Variants in B3GLCT observed in about 807,000 individuals in gnomAD.
The protein encoded by B3GLCT is beta-1,3-glucosyltransferase.
In B3GLCT, 65 loss-of-function variants were observed where a neutral mutation model predicts 63.4. The ratio of observed to expected loss-of-function variants is 1.03; its 90% CI spans 0.84 to 1.26. B3GLCT has a LOEUF of 1.26. Ranked by LOEUF, B3GLCT falls within the 50% of genes most tolerant of loss-of-function variation. The probability of loss-of-function intolerance (pLI) is 0.00; values close to 1 mark genes in which losing one functional copy is unlikely to be tolerated. For missense variants in B3GLCT, 577 were observed against 604.8 expected, an observed-to-expected ratio of 0.95 and a Z score of 0.48; for synonymous variants, 233 against 219.2, an observed-to-expected ratio of 1.06 and a Z score of -0.55.
At chr13:31,253,006 A>G (rs1273290087) in intron 6 of B3GLCT, among the ~76,000 whole-genome samples, 1 of 152,196 alleles carries the variant, frequency 6.6e-6, no homozygotes, top group Non-Finnish European at 1.5e-5. Context: ...AATCATAACA[A>G]ACAGTCTCTC....
At chr13:31,253,282 C>T (rs1463848111) in intron 6 of B3GLCT, among the ~76,000 whole-genome samples, 1 of 152,088 alleles carries the variant, frequency 6.6e-6, no homozygotes, top group East Asian at 1.9e-4. Flanking sequence ...AATCGACACT[C>T]TAACATCACA....
intron 12 of B3GLCT, among the ~76,000 whole-genome samples, chr13:31,316,106 A>G (rs1874993238): frequency 6.6e-6 from 1 of 152,088 alleles, no homozygotes; most frequent in Non-Finnish European, 1.5e-5. Flanking sequence ...AACTTCTGCT[A>G]TGGCAGTGCA....
In B3GLCT at chr13:31,330,752, C is replaced by G. The variant is rs1345576469; in HGVS notation, c.*1084C>G. On this transcript the variant is annotated 3_prime_UTR_variant, in exon 15 of 15. Transcript: ENST00000343307. ...TCAGTATTAATGTATAAAAAGCACT[C>G]TAATTATATAATTCAGTTTTTGTAA... is the stretch of plus-strand genomic sequence containing the variant. 1 of 151,892 alleles carries G rather than the reference C, an allele frequency of 6.6e-6. No individual in the cohort carries two copies. Among genetic ancestry groups the G allele is most frequent in the Non-Finnish European group, 1.5e-5 (1 of 67,952 alleles). The allele number at this position is 151,892 out of a possible 1,614,324, so 9.4% of individuals were successfully genotyped here.
rs578114672 is a variant in B3GLCT, at chr13:31,323,680, G to A, written c.1185-71G>A. 1.3e-5 allele frequency: 20 copies of A among 1,572,376 alleles called. No individual in the cohort carries two copies. Among genetic ancestry groups the A allele is most frequent in the Admixed American group, 1.2e-4 (7 of 59,940 alleles). ...CTGCAGGAGTAAAGTCCTGTTTCCC[G>A]GGGCCCATTTGTGCAGCAGCGGTGT... On this transcript the variant is annotated intron_variant, in intron 13 of 14. Coordinates refer to ENST00000343307, the MANE Select transcript of B3GLCT (RefSeq NM_194318.4).
chr13:31,292,684 A>C (rs1406650097), intron 12 of B3GLCT, among the ~76,000 whole-genome samples: 1 of 135,684 alleles, frequency 7.4e-6, no homozygotes, highest in Non-Finnish European at 1.6e-5. Context: ...TATAGTTTCT[A>C]TTTTATTCTT....
chr13:31,268,043 A>T (rs1340748423), intron 7 of B3GLCT, among the ~76,000 whole-genome samples: 1 of 152,000 alleles, frequency 6.6e-6, no homozygotes, highest in Non-Finnish European at 1.5e-5. Context: ...TTTATGTTAA[A>T]CTATGTTGCC....
chr13:31,289,767 C>G (rs1331553931), intron 12 of B3GLCT, among the ~76,000 whole-genome samples: 1 of 152,038 alleles, frequency 6.6e-6, no homozygotes, highest in African/African-American at 2.4e-5. Context: ...CAAGATTAAC[C>G]TTGAATATAA....
chr13:31,282,447 G>A (rs1403871824), intron 10 of B3GLCT, among the ~76,000 whole-genome samples: 1 of 152,032 alleles, frequency 6.6e-6, no homozygotes, highest in East Asian at 1.9e-4. Context: ...AGACCATCCT[G>A]GCTAACACGG....
rs925528358 is a variant in B3GLCT, at chr13:31,330,429, A to G, written c.*761A>G. ...ACATGAAAGTAGTAGATGCTGCCAG[A>G]AAATAGTGTCCTCAATATTTTAAAA... On this transcript the variant is annotated 3_prime_UTR_variant, in exon 15 of 15. Coordinates refer to ENST00000343307, the MANE Select transcript of B3GLCT (RefSeq NM_194318.4). The G allele has an allele frequency of 1.3e-5, 2 of 152,250 alleles. No homozygotes were observed. Among genetic ancestry groups the G allele is most frequent in the African/African-American group, 4.8e-5 (2 of 41,466 alleles). 9.4% of individuals were successfully genotyped at this position (152,250 alleles called of 1,614,324 possible).
chr13:31,274,318 G>T (rs561070916), intron 8 of B3GLCT, among the ~76,000 whole-genome samples, 191 bp from the exon 9 acceptor site: 118 of 152,322 alleles, frequency 7.7e-4, no homozygotes, highest in African/African-American at 2.7e-3. Flanking sequence ...GTTAGTAATA[G>T]ATTACATTTA....
intron 7 of B3GLCT, among the ~76,000 whole-genome samples, chr13:31,265,433 C>T (rs766811464): frequency 3.7e-4 from 57 of 152,280 alleles, no homozygotes; most frequent in Non-Finnish European, 6.3e-4. Flanking sequence ...CTTGACTTTA[C>T]GGCCCACATT....
At chr13:31,282,414 C>T (rs969208979) in intron 10 of B3GLCT, among the ~76,000 whole-genome samples, 9 of 151,844 alleles carry the variant, frequency 5.9e-5, no homozygotes, top group Admixed American at 3.9e-4. Context: ...CCGAGGCGGG[C>T]GGATCACGAG....
chr13:31,229,130 T>G (rs1453924498), intron 3 of B3GLCT, 55 bp from the exon 4 acceptor site: 3 of 1,174,222 alleles, frequency 2.6e-6, no homozygotes, highest in Non-Finnish European at 3.7e-6. Context: ...TTTTCAAGTT[T>G]ATTTTAATAA....
At chr13:31,211,970 A>G (rs1201564653) in intron 1 of B3GLCT, among the ~76,000 whole-genome samples, 1 of 152,214 alleles carries the variant, frequency 6.6e-6, no homozygotes, top group Admixed American at 6.5e-5. Flanking sequence ...GTAAAAGCAA[A>G]CACTGTTATT....
At chr13:31,234,554 G>A (rs1178482085) in intron 4 of B3GLCT, among the ~76,000 whole-genome samples, 1 of 152,170 alleles carries the variant, frequency 6.6e-6, no homozygotes, top group African/African-American at 2.4e-5. Context: ...AGCAGGTAAG[G>A]TGGCCAGGTG....
intron 3 of B3GLCT, among the ~76,000 whole-genome samples, chr13:31,224,625 A>T (rs1255948165): frequency 6.6e-6 from 1 of 151,932 alleles, no homozygotes; most frequent in Non-Finnish European, 1.5e-5. Flanking sequence ...CATGCACGGG[A>T]TGCTGTTTCT....
In B3GLCT at chr13:31,308,362, A is replaced by AAAAAAAAAAAAAAAC. The variant is rs61561180; in HGVS notation, c.1065-9195_1065-9194insAAAAACAAAAAAAAA. Among the ~76,000 whole-genome samples the AAAAAAAAAAAAAAAC allele has an allele frequency of 6.1e-3, 373 of 61,650 alleles. 21 individuals carry two copies. The highest frequency in any genetic ancestry group is 0.011 in the Middle Eastern group (1 of 92). The allele number at this position is 61,650 out of a possible 152,430, so 40.4% of individuals were successfully genotyped here. A position where few individuals can be genotyped will look rare whatever the true frequency, so the allele number is the denominator to read the frequency against. On this transcript the variant is annotated intron_variant, in intron 12 of 14. Coordinates refer to ENST00000343307, the MANE Select transcript of B3GLCT (RefSeq NM_194318.4). Reference sequence around the variant, plus strand: ...AAAAAAAAATTAAAAAAAAAAAAACAAAAAAAAAAGCTAGTCCCACATGGC... The same window carrying AAAAAAAAAAAAAAAC: ...AAAAAAAAATTAAAAAAAAAAAAACAAAAAAAAAAAAAAACAAAAAAAAAGCTAGTCCCACATGGC...
intron 12 of B3GLCT, among the ~76,000 whole-genome samples, chr13:31,299,777 G>GA (rs1874134380): frequency 1.3e-5 from 2 of 152,116 alleles, no homozygotes; most frequent in Non-Finnish European, 2.9e-5. Context: ...TCCAAACCTG[G>GA]AAAGGGGCTC....
At chr13:31,277,586 C>A (rs1872859743) in intron 10 of B3GLCT, among the ~76,000 whole-genome samples, 1 of 152,064 alleles carries the variant, frequency 6.6e-6, no homozygotes, top group Admixed American at 6.5e-5. Context: ...GGAGAGATTT[C>A]TAAACCAACT....
Sources: allele counts gnomAD v4.1 joint callset (sites outside exome capture counted in the v4.1 genomes callset), GRCh38; gene constraint gnomAD v4.1.1; transcripts MANE v1.5; gene names NCBI Gene and HGNC (gene_info 2026-07-23, HGNC 2026-07-21).